Variants in PDE1C observed in about 807,000 individuals in gnomAD.
The protein encoded by PDE1C is dual specificity calcium/calmodulin-dependent 3',5'-cyclic nucleotide phosphodiesterase 1C.
PDE1C carries 62 observed loss-of-function variants against 93.1 expected under a neutral mutation model. The ratio of observed to expected loss-of-function variants is 0.67; its 90% CI spans 0.54 to 0.82. The LOEUF is 0.82. PDE1C is among the 40% of genes least tolerant of loss of function. The probability of loss-of-function intolerance (pLI) is 0.00; values close to 1 mark genes in which losing one functional copy is unlikely to be tolerated. For missense variants in PDE1C, 742 were observed against 884.6 expected, an observed-to-expected ratio of 0.84 and a Z score of 2.04; for synonymous variants, 325 against 310.1, an observed-to-expected ratio of 1.05 and a Z score of -0.50.
chr7:32,403,227 A>T (rs1784986206), intron 1 of PDE1C, among the ~76,000 whole-genome samples: 2 of 152,212 alleles, frequency 1.3e-5, no homozygotes, highest in African/African-American at 2.4e-5. Flanking sequence ...GACATTTTTT[A>T]AAATCCAAGA....
Position 32,195,416 on chromosome 7 carries a change from T to C in PDE1C, c.136+14073A>G, listed in dbSNP as rs541785456. On this transcript the variant is annotated intron_variant, in intron 2 of 18. Transcript: ENST00000396193. ...ATTAGAGGGGATTCTAGGTTGACAGTTCTACCCTTTTAGCACTTGAAAAAT... is the reference window on the plus strand; with the variant it reads ...ATTAGAGGGGATTCTAGGTTGACAGCTCTACCCTTTTAGCACTTGAAAAAT... Among the ~76,000 whole-genome samples, 4 of 152,348 alleles carry C rather than the reference T, an allele frequency of 2.6e-5. No homozygotes were observed. The South Asian group carries it at 8.3e-4, about 32-fold the overall frequency.
chr7:31,705,986 A>ATTTTTTTTTTTTTTTTTTT, the PDE1C span, among the ~76,000 whole-genome samples: 7 of 52,514 alleles, frequency 1.3e-4, 1 homozygote, highest in African/African-American at 3.8e-4. Context: ...CAGACCAGTA[A>ATTTTTTTTTTTTTTTTTTT]TTTTTTTTTT....
chr7:31,957,470 A>C (rs1344522703), intron 2 of PDE1C, among the ~76,000 whole-genome samples: 1 of 152,122 alleles, frequency 6.6e-6, no homozygotes, highest in African/African-American at 2.4e-5. Context: ...CCTCACCCTC[A>C]CTGATGCCTT....
At chr7:32,035,358 G>A (rs1424001641) in intron 2 of PDE1C, among the ~76,000 whole-genome samples, 1 of 152,116 alleles carries the variant, frequency 6.6e-6, no homozygotes, top group Non-Finnish European at 1.5e-5. Context: ...AATACTCTTA[G>A]TCTGTAAGAG....
At chr7:31,866,158 A>T (rs2128843065) in intron 6 of PDE1C, among the ~76,000 whole-genome samples, 1 of 152,280 alleles carries the variant, frequency 6.6e-6, no homozygotes, top group African/African-American at 2.4e-5. Flanking sequence ...ATATAAGGCT[A>T]GGGGAAAAGG....
At chr7:31,980,251 A>C (rs1812201749) in intron 2 of PDE1C, among the ~76,000 whole-genome samples, 2 of 152,232 alleles carry the variant, frequency 1.3e-5, no homozygotes, top group Non-Finnish European at 2.9e-5. Context: ...GTGAGTCCTT[A>C]AATATCAGGG....
At chr7:32,114,014 T>C (rs914550805) in intron 3 of PDE1C, among the ~76,000 whole-genome samples, 2 of 152,128 alleles carry the variant, frequency 1.3e-5, no homozygotes, top group South Asian at 2.1e-4. Context: ...TCTATCCTCA[T>C]GGATAGGAAG....
intron 11 of PDE1C, 54 bp from the exon 12 acceptor site, chr7:31,828,427 G>T: frequency 7.0e-7 from 1 of 1,426,120 alleles, no homozygotes; most frequent in Non-Finnish European, 9.8e-7. Flanking sequence ...GGGTCACCCA[G>T]ATTTCATTTA....
intron 16 of PDE1C, among the ~76,000 whole-genome samples, chr7:31,794,166 T>C (rs560232561): frequency 6.6e-6 from 1 of 151,858 alleles, no homozygotes; most frequent in East Asian, 2.0e-4. Flanking sequence ...AAGACATTTG[T>C]GGGAATGTAA....
At chr7:31,983,148 A>G (rs1812611072) in intron 2 of PDE1C, among the ~76,000 whole-genome samples, 1 of 152,232 alleles carries the variant, frequency 6.6e-6, no homozygotes, top group Admixed American at 6.5e-5. Context: ...TCTTGAAGTC[A>G]GAGTACAAAT....
chr7:31,788,663 T>C (rs1784261364), intron 16 of PDE1C: 1 of 152,208 alleles, frequency 6.6e-6, no homozygotes. Context: ...TTCATTTACT[T>C]GACCTGCTAG....
chr7:32,302,497 T>C (rs1200201954), upstream of PDE1C, among the ~76,000 whole-genome samples: 1 of 152,234 alleles, frequency 6.6e-6, no homozygotes, highest in Non-Finnish European at 1.5e-5. Context: ...TTAAATAATG[T>C]CCTTCAAATA....
Position 32,380,309 on chromosome 7 carries a change from C to T in PDE1C, c.310+47513G>A, listed in dbSNP as rs146399710. Among the ~76,000 whole-genome samples the T allele has an allele frequency of 6.4e-3, 968 of 151,860 alleles. 15 individuals are homozygous for T. The highest frequency in any genetic ancestry group is 0.022 in the African/African-American group (923 of 41,372). On this transcript the variant is annotated intron_variant, in intron 1 of 1. Transcript: ENST00000672256. ...CTGGAGTGCAGTGGCATGATCTTGGCTCACTGAAAACTCCGCCTCCCAGGT... is the reference window on the plus strand; with the variant it reads ...CTGGAGTGCAGTGGCATGATCTTGGTTCACTGAAAACTCCGCCTCCCAGGT...
chr7:32,288,091 T>C (rs1812108140), intron 1 of PDE1C, among the ~76,000 whole-genome samples: 1 of 151,932 alleles, frequency 6.6e-6, no homozygotes, highest in African/African-American at 2.4e-5. Context: ...AAGGCAGAGG[T>C]TGAAGTGAGC....
chr7:31,894,601 C>G (rs1046516090), intron 2 of PDE1C, among the ~76,000 whole-genome samples: 1 of 152,194 alleles, frequency 6.6e-6, no homozygotes, highest in Non-Finnish European at 1.5e-5. Context: ...TCTCTCTCAG[C>G]CCCCACATTC....
chr7:31,694,370 T>G, the PDE1C span, among the ~76,000 whole-genome samples: 44 of 100,036 alleles, frequency 4.4e-4, no homozygotes, highest in African/African-American at 1.5e-3. Flanking sequence ...CAATTTTAGC[T>G]CTCTCTCTCT....
At chr7:32,407,502 T>C (rs905529044) in intron 1 of PDE1C, among the ~76,000 whole-genome samples, 3 of 152,114 alleles carry the variant, frequency 2.0e-5, no homozygotes, top group South Asian at 2.1e-4. Flanking sequence ...CCCTCCTTCA[T>C]ATCAGCCATG....
intron 16 of PDE1C, among the ~76,000 whole-genome samples, chr7:31,776,942 C>T (rs567694032): frequency 5.3e-5 from 7 of 132,724 alleles, no homozygotes; most frequent in Non-Finnish European, 9.1e-5. Context: ...TTGAGAAGAC[C>T]CTATGTGTCA....
chr7:31,687,494 T>C, the PDE1C span, among the ~76,000 whole-genome samples: 1 of 152,212 alleles, frequency 6.6e-6, no homozygotes, highest in Admixed American at 6.5e-5. Context: ...AGGGAGGGAA[T>C]GGAGTTCTGT....
Sources: allele counts gnomAD v4.1 joint callset (sites outside exome capture counted in the v4.1 genomes callset), GRCh38; gene constraint gnomAD v4.1.1; transcripts MANE v1.5; gene names NCBI Gene and HGNC (gene_info 2026-07-23, HGNC 2026-07-21).